CRLF2: variants seen among roughly 807,000 people sequenced by gnomAD.
CRLF2 encodes cytokine receptor-like factor 2.
In CRLF2, 41 loss-of-function variants were observed where a neutral mutation model predicts 38.7. The observed-to-expected ratio is 1.06, with a 90% CI of 0.83 to 1.37. The LOEUF (loss-of-function observed/expected upper bound fraction) is 1.37. CRLF2 is among the 40% of genes most tolerant of loss of function. The pLI is 0.00. For missense variants in CRLF2, 377 were observed against 322.2 expected (o/e 1.17, Z -1.30); for synonymous variants, 140 against 128.8 (o/e 1.09, Z -0.59).
intron 1 of CRLF2, 52 bp from the exon 2 acceptor site, chrX:1,208,960 A>AT (rs1239208490): frequency 6.3e-5 from 64 of 1,020,824 alleles, no homozygotes; most frequent in Admixed American, 2.3e-4. Flanking sequence ...CTATTTTTTT[A>AT]TTTTTTTAAA....
At chrX:1,197,260 T>C (rs142390882) in intron 5 of CRLF2, among the ~76,000 whole-genome samples, 1,808 of 150,616 alleles carry the variant, frequency 0.012, 32 homozygotes, top group African/African-American at 0.042. Context: ...ACCGGGCTAA[T>C]TTTTGTATTT....
In CRLF2 at chrX:1,198,680, A is replaced by C. The variant is rs778127088; in HGVS notation, c.528T>G (p.Asp176Glu). ...CCCAGAAAGAGTAACACTTCTCGGC[A>C]TCCAAGCCTTCTATGGTGACGTTGC... ...NTCNVTIEGL[D>E]AEKCYSFWVR... Residue 176 changes from aspartate (D) to glutamate (E), a missense_variant, in exon 5 of 8, where the codon GAT becomes GAG. Physicochemically the swap from Asp to Glu is conservative, Grantham distance 45. Coordinates refer to ENST00000400841, the MANE Select transcript of CRLF2 (RefSeq NM_022148.4). 6.2e-7 allele frequency: 1 copy of C among 1,612,890 alleles called. No individual in the cohort carries two copies. Among genetic ancestry groups the C allele is most frequent in the East Asian group, 2.2e-5 (1 of 44,796 alleles).
intron 3 of CRLF2, among the ~76,000 whole-genome samples, chrX:1,205,180 G>C (rs1260390657): frequency 1.3e-5 from 2 of 152,172 alleles, no homozygotes; most frequent in East Asian, 3.8e-4. Flanking sequence ...TCTCCCCACT[G>C]GGGGCAGATT....
chrX:1,201,899 G>A (rs1303354658), intron 4 of CRLF2, among the ~76,000 whole-genome samples: 1 of 151,728 alleles, frequency 6.6e-6, no homozygotes, highest in Non-Finnish European at 1.5e-5. Flanking sequence ...AAGAGAGTTG[G>A]TAGATAAAAT....
chrX:1,193,035 A>G (rs1439906030), intron 7 of CRLF2, among the ~76,000 whole-genome samples, 183 bp downstream of exon 7: 2 of 150,588 alleles, frequency 1.3e-5, no homozygotes, highest in African/African-American at 4.9e-5. Context: ...CTGGTCTCGA[A>G]CTCCTGACCT....
intron 2 of CRLF2, among the ~76,000 whole-genome samples, chrX:1,208,194 C>A (rs1341937876): frequency 6.6e-6 from 1 of 152,080 alleles, no homozygotes; most frequent in African/African-American, 2.4e-5. Context: ...GGCTGCCTAG[C>A]AGATAAGACT....
chrX:1,194,165 G>A (rs1429956737), intron 6 of CRLF2, among the ~76,000 whole-genome samples: 26,273 of 147,636 alleles, frequency 0.18, 2,780 homozygotes, highest in Admixed American at 0.25. Context: ...TGGCGTCTGC[G>A]TGTAGTCCCA....
chrX:1,203,669 G>T (rs1356787301), intron 3 of CRLF2, among the ~76,000 whole-genome samples: 5 of 152,156 alleles, frequency 3.3e-5, no homozygotes, highest in Non-Finnish European at 7.4e-5. Flanking sequence ...GCCCCCAGGA[G>T]CTGGGAGAGG....
rs2086590110 is a variant in CRLF2, at chrX:1,200,740, TA to T, written c.483+1661del. 3.8e-3 allele frequency among the ~76,000 whole-genome samples: 156 copies of T among 40,846 alleles called. 13 individuals carry two copies. The highest frequency in any genetic ancestry group is 0.013 in the Middle Eastern group (1 of 76). 26.8% of individuals were successfully genotyped at this position (40,846 alleles called of 152,430 possible). A position where few individuals can be genotyped will look rare whatever the true frequency, so the allele number is the denominator to read the frequency against. ...GTATATACGTGTGTATAAATATGCA[TA>T]GATAAGGTATGTATATATGTGTGTA... is the stretch of plus-strand genomic sequence containing the variant. On this transcript the variant is annotated intron_variant, in intron 4 of 7. Coordinates refer to ENST00000400841, the MANE Select transcript of CRLF2 (RefSeq NM_022148.4).
In CRLF2 at chrX:1,190,976, T is replaced by C. The variant is rs1490526008; in HGVS notation, c.1037A>G (p.Gln346Arg). ...GACCACATCACCGCCTTGGAGGGGC[T>C]GGTGGGGAAGCTGGAGGGATCCCCC... ...ASGGSLQLPH[Q>R]PLQGGDVVTI... Residue 346 changes from glutamine to arginine, a missense_variant, in exon 8 of 8, where the codon CAG (glutamine) becomes CGG (arginine). Coordinates refer to ENST00000400841, the MANE Select transcript of CRLF2 (RefSeq NM_022148.4). 2.1e-3 allele frequency: 845 copies of C among 398,710 alleles called. 8 individuals carry two copies. The highest frequency in any genetic ancestry group is 0.016 in the African/African-American group (784 of 48,770). 24.7% of individuals were successfully genotyped at this position (398,710 alleles called of 1,614,324 possible).
intron 2 of CRLF2, among the ~76,000 whole-genome samples, chrX:1,208,162 G>C (rs1393802041): frequency 6.6e-6 from 1 of 152,152 alleles, no homozygotes; most frequent in Middle Eastern, 3.2e-3. Context: ...AAATGTTTCA[G>C]AGACTGAGTC....
intron 6 of CRLF2, among the ~76,000 whole-genome samples, chrX:1,196,557 G>A (rs1434083506): frequency 2.6e-5 from 4 of 151,888 alleles, no homozygotes; most frequent in South Asian, 2.1e-4. Context: ...TCGTGACCTC[G>A]TGATCTGCCT....
intron 6 of CRLF2, among the ~76,000 whole-genome samples, chrX:1,194,698 T>C (rs1372795349): frequency 2.0e-5 from 3 of 151,966 alleles, no homozygotes; most frequent in African/African-American, 4.8e-5. Flanking sequence ...ATGAGGTCAC[T>C]AGGGAGGGTT....
rs2086371140 is a variant in CRLF2, at chrX:1,191,312, T to TCTTTCTTTCTTTCTTTC, written c.853-169_853-153dup. Among the ~76,000 whole-genome samples the TCTTTCTTTCTTTCTTTC allele has an allele frequency of 1.7e-4, 19 of 111,476 alleles. 1 individual carries two copies. In the South Asian group the frequency reaches 6.3e-3, roughly 37 times the overall value. 73.1% of individuals were successfully genotyped at this position (111,476 alleles called of 152,430 possible). On this transcript the variant is annotated intron_variant, in intron 7 of 7. Transcript: ENST00000400841. ...TTTCTTTTCTCTTTCTTTCTTTCTT[T>TCTTTCTTTCTTTCTTTC]CTTTCTTTCTTTCTTTCTTTCTTTC...
At chrX:1,207,092 C>T (rs1302110341) in intron 2 of CRLF2, among the ~76,000 whole-genome samples, 1 of 150,488 alleles carries the variant, frequency 6.6e-6, no homozygotes, top group Non-Finnish European at 1.5e-5. Flanking sequence ...ATTACGGGCA[C>T]GCACCACCAC....
chrX:1,196,369 T>C (rs1569467577), intron 6 of CRLF2, among the ~76,000 whole-genome samples: 1 of 148,260 alleles, frequency 6.7e-6, no homozygotes. Flanking sequence ...TGTATTTTTA[T>C]TAGAGACGGG....
chrX:1,194,606 C>G (rs2086446757), intron 6 of CRLF2, among the ~76,000 whole-genome samples: 1 of 152,114 alleles, frequency 6.6e-6, no homozygotes, highest in African/African-American at 2.4e-5. Flanking sequence ...CTGAAAGTTT[C>G]TATGTTGAAG....
chrX:1,194,029 G>A (rs1384171313), intron 6 of CRLF2, among the ~76,000 whole-genome samples: 6 of 151,998 alleles, frequency 3.9e-5, no homozygotes, highest in Non-Finnish European at 7.4e-5. Context: ...GGATGCTGAG[G>A]CAGGAGAATC....
intron 4 of CRLF2, chrX:1,199,101 A>T (rs1217775211): frequency 2.7e-6 from 1 of 368,046 alleles, no homozygotes; most frequent in Admixed American, 3.4e-5. Context: ...GCAAGCAGAG[A>T]TCGCACCACT....
Sources: allele counts gnomAD v4.1 joint callset (sites outside exome capture counted in the v4.1 genomes callset), GRCh38; gene constraint gnomAD v4.1.1; transcripts MANE v1.5; gene names NCBI Gene and HGNC (gene_info 2026-07-23, HGNC 2026-07-21).